KIZ: variants seen among roughly 807,000 people sequenced by gnomAD.
KIZ encodes kizuna centrosomal protein.
KIZ carries 68 observed loss-of-function variants against 79.6 expected under a neutral mutation model. The observed-to-expected ratio is 0.85, with a 90% CI of 0.70 to 1.05. The LOEUF (loss-of-function observed/expected upper bound fraction) is 1.05, where lower values mean the gene tolerates loss of function less well. KIZ is among the 50% of genes least tolerant of loss of function. The probability of loss-of-function intolerance (pLI) is 0.00; values close to 1 mark genes in which losing one functional copy is unlikely to be tolerated. For missense variants in KIZ, 797 were observed against 800.4 expected, an observed-to-expected ratio of 1.00 and a Z score of 0.05; for synonymous variants, 280 against 281.8, an observed-to-expected ratio of 0.99 and a Z score of 0.06.
chr20:21,126,020 G>T, upstream of KIZ: 1 of 1,348,770 alleles, frequency 7.4e-7, no homozygotes, highest in Non-Finnish European at 9.5e-7. Context: ...GCCCGGCGCG[G>T]TGTTTACCCG....
intron 4 of KIZ, among the ~76,000 whole-genome samples, chr20:21,159,517 AC>A (rs1225762412): frequency 6.8e-6 from 1 of 147,604 alleles, no homozygotes; most frequent in Non-Finnish European, 1.5e-5. Flanking sequence ...CCCACCACCC[AC>A]CCCAGCCCTT....
At chr20:21,194,329 C>T (rs1177650190) in intron 6 of KIZ, 1 of 152,150 alleles carries the variant, frequency 6.6e-6, no homozygotes, top group Non-Finnish European at 1.5e-5. Context: ...GTTCCTCAGG[C>T]CAGTGCCCTT....
intron 11 of KIZ, among the ~76,000 whole-genome samples, chr20:21,243,365 C>T (rs1053825304): frequency 6.6e-6 from 1 of 151,924 alleles, no homozygotes; most frequent in Non-Finnish European, 1.5e-5. Flanking sequence ...GTCAACCACA[C>T]TTGGCCCAAA....
At chr20:21,127,119 G>A (rs2031532139) in intron 1 of KIZ, among the ~76,000 whole-genome samples, 1 of 152,148 alleles carries the variant, frequency 6.6e-6, no homozygotes, top group African/African-American at 2.4e-5. Flanking sequence ...ATTTTGAAAA[G>A]GAATTACATT....
chr20:21,223,308 G>T (rs6035811), intron 9 of KIZ, among the ~76,000 whole-genome samples: 1 of 151,948 alleles, frequency 6.6e-6, no homozygotes, highest in African/African-American at 2.4e-5. Flanking sequence ...TTCAAGCCTG[G>T]AATTTGTTTT....
chr20:21,226,850 C>T (rs959258969), intron 9 of KIZ, among the ~76,000 whole-genome samples: 4 of 152,172 alleles, frequency 2.6e-5, no homozygotes, highest in Non-Finnish European at 5.9e-5. Context: ...CTCGGTGACT[C>T]TCCTTGGAGA....
chr20:21,179,143 T>G (rs1568949930), intron 6 of KIZ, among the ~76,000 whole-genome samples: 1 of 151,944 alleles, frequency 6.6e-6, no homozygotes, highest in East Asian at 1.9e-4. Context: ...TGAGAAGTAT[T>G]GGCATTAATT....
intron 7 of KIZ, among the ~76,000 whole-genome samples, 153 bp from the exon 8 acceptor site, chr20:21,214,382 T>C (rs1029701210): frequency 3.3e-5 from 5 of 152,236 alleles, no homozygotes; most frequent in East Asian, 3.8e-4. Context: ...GTGTTTTTTT[T>C]CTTGACATTT....
At chr20:21,166,388 GT>G in intron 6 of KIZ, 1 of 1,599,870 alleles carries the variant, frequency 6.3e-7, no homozygotes. Flanking sequence ...CTCCACACTT[GT>G]TTAGCCTGCC....
intron 6 of KIZ, among the ~76,000 whole-genome samples, chr20:21,192,760 A>T (rs1249942188): frequency 6.6e-6 from 1 of 152,002 alleles, no homozygotes; most frequent in Non-Finnish European, 1.5e-5. Context: ...GGGAGGGGAG[A>T]TGGGGAAAGC....
chr20:21,145,684 T>G (rs2032812222), intron 4 of KIZ, 30 bp downstream of exon 4: 1 of 948,672 alleles, frequency 1.1e-6, no homozygotes, highest in Admixed American at 2.5e-5. Context: ...ACCTTTCTGT[T>G]AACAGAGGAA....
chr20:21,179,149 T>A (rs566016570), intron 6 of KIZ, among the ~76,000 whole-genome samples: 64 of 151,894 alleles, frequency 4.2e-4, no homozygotes, highest in South Asian at 1.7e-3. Flanking sequence ...GTATTGGCAT[T>A]AATTCTTTAA....
chr20:21,192,341 G>T (rs1450383035), intron 6 of KIZ, among the ~76,000 whole-genome samples: 1 of 145,750 alleles, frequency 6.9e-6, no homozygotes, highest in Non-Finnish European at 1.5e-5. Flanking sequence ...TTAGCGACTG[G>T]GTTATACTAT....
At chr20:21,134,765 C>T (rs2032077453) in intron 2 of KIZ, among the ~76,000 whole-genome samples, 1 of 150,434 alleles carries the variant, frequency 6.6e-6, no homozygotes, top group Admixed American at 6.6e-5. Context: ...CTCCCGGGTT[C>T]AAGCAATTCT....
intron 4 of KIZ, among the ~76,000 whole-genome samples, chr20:21,155,129 A>ATAT (rs1180328355): frequency 6.6e-6 from 1 of 152,222 alleles, no homozygotes; most frequent in Non-Finnish European, 1.5e-5. Flanking sequence ...TTAAACATAT[A>ATAT]GTTACCGTAC....
chr20:21,156,982 C>T (rs749395570), intron 4 of KIZ, among the ~76,000 whole-genome samples: 2 of 152,034 alleles, frequency 1.3e-5, no homozygotes, highest in Non-Finnish European at 2.9e-5. Flanking sequence ...AGTAAAGCCA[C>T]GCATGCTGAT....
At chr20:21,141,264 G>A (rs1223784967) in intron 3 of KIZ, among the ~76,000 whole-genome samples, 1 of 152,084 alleles carries the variant, frequency 6.6e-6, no homozygotes, top group Non-Finnish European at 1.5e-5. Context: ...GGTTGATTTG[G>A]GAAATAAGGA....
rs143553270 is a variant in KIZ, at chr20:21,220,759, C to T, written c.1678+5111C>T. On this transcript the variant is annotated intron_variant, in intron 9 of 12. Transcript: ENST00000619189. ...CCTCCCAAAGTGCTGGGATTACAGGCGTGAGCCGCCACGCCCGGCCTACCC... is the reference window on the plus strand; with the variant it reads ...CCTCCCAAAGTGCTGGGATTACAGGTGTGAGCCGCCACGCCCGGCCTACCC... Among the ~76,000 whole-genome samples the T allele has an allele frequency of 7.3e-3, 1,114 of 152,298 alleles. 18 individuals carry two copies. Among genetic ancestry groups the T allele is most frequent in the African/African-American group, 0.026 (1,061 of 41,558 alleles).
At chr20:21,240,449 G>A (rs2037176047) in intron 11 of KIZ, among the ~76,000 whole-genome samples, 1 of 152,212 alleles carries the variant, frequency 6.6e-6, no homozygotes, top group South Asian at 2.1e-4. Context: ...GGCGGAACAT[G>A]GTTATATTTT....
Sources: allele counts gnomAD v4.1 joint callset (sites outside exome capture counted in the v4.1 genomes callset), GRCh38; gene constraint gnomAD v4.1.1; transcripts MANE v1.5; gene names NCBI Gene and HGNC (gene_info 2026-07-23, HGNC 2026-07-21).